Variants in PRKAG2 observed in about 807,000 individuals in gnomAD.
PRKAG2 encodes protein kinase AMP-activated non-catalytic subunit gamma 2.
PRKAG2 carries 26 observed loss-of-function variants against 69.6 expected under a neutral mutation model. The ratio of observed to expected loss-of-function variants is 0.37; its 90% CI spans 0.27 to 0.52. PRKAG2 has a LOEUF of 0.52. Ranked by LOEUF, PRKAG2 falls within the 20% of genes least tolerant of loss-of-function variation. The pLI, the probability that PRKAG2 is intolerant of heterozygous loss-of-function variation, is 0.90. For missense variants in PRKAG2, 557 were observed against 740.0 expected (o/e 0.75, Z 2.87); for synonymous variants, 293 against 285.0 (o/e 1.03, Z -0.28).
intron 6 of PRKAG2, among the ~76,000 whole-genome samples, chr7:151,580,388 G>C (rs1202572520): frequency 6.6e-6 from 1 of 152,064 alleles, no homozygotes; most frequent in Non-Finnish European, 1.5e-5. Flanking sequence ...TGCACTGAAG[G>C]AAAGATTCTA....
At chr7:151,625,378 G>T (rs1316931109) in intron 5 of PRKAG2, among the ~76,000 whole-genome samples, 2 of 152,302 alleles carry the variant, frequency 1.3e-5, no homozygotes, top group African/African-American at 4.8e-5. Context: ...GAAATGCAGG[G>T]AGGAAAGAGG....
chr7:151,845,649 C>T (rs1563749556), intron 1 of PRKAG2, among the ~76,000 whole-genome samples: 2 of 152,076 alleles, frequency 1.3e-5, no homozygotes, highest in Non-Finnish European at 1.5e-5. Context: ...TTTCAGATGC[C>T]TGCCTCCCTT....
At chr7:151,613,047 C>A (rs1369587443) in intron 5 of PRKAG2, among the ~76,000 whole-genome samples, 2 of 152,180 alleles carry the variant, frequency 1.3e-5, no homozygotes, top group Non-Finnish European at 2.9e-5. Context: ...CCACACTCAG[C>A]CTCCCTGGTG....
At chr7:151,571,991 C>T (rs940343707) in intron 9 of PRKAG2, among the ~76,000 whole-genome samples, 1 of 152,224 alleles carries the variant, frequency 6.6e-6, no homozygotes. Context: ...CAGACTGGGT[C>T]TGCCGTGATT....
rs1054066947 is a variant in PRKAG2, at chr7:151,777,716, G to A, written c.466+3436C>T. ...GGCTGGCTTTGCTCATTACCTGGGCGGAGGCCAAGCTAACAAAGGGAGGAA... is the reference window on the plus strand; with the variant it reads ...GGCTGGCTTTGCTCATTACCTGGGCAGAGGCCAAGCTAACAAAGGGAGGAA... On this transcript the variant is annotated intron_variant, in intron 3 of 15. Transcript: ENST00000287878. This position sits in a 1 kb window ranked among gnomAD's most constrained non-coding sequence, Gnocchi z 4.3. Among the ~76,000 whole-genome samples, 7 of 152,206 alleles carry A rather than the reference G, an allele frequency of 4.6e-5. No individual in the cohort carries two copies. The highest frequency in any genetic ancestry group is 2.0e-4 in the Admixed American group (3 of 15,280).
chr7:151,856,940 C>G (rs1328317439), intron 1 of PRKAG2, among the ~76,000 whole-genome samples: 1 of 152,106 alleles, frequency 6.6e-6, no homozygotes, highest in Non-Finnish European at 1.5e-5. Flanking sequence ...AGGAAAGAAA[C>G]AGAAAACGGT....
intron 3 of PRKAG2, among the ~76,000 whole-genome samples, chr7:151,723,009 C>T (rs1797363659): frequency 6.6e-6 from 1 of 152,110 alleles, no homozygotes; most frequent in Non-Finnish European, 1.5e-5. Context: ...TCCCCTGCAG[C>T]CTGCCCACTC....
At chr7:151,631,926 C>A in intron 5 of PRKAG2, 143 bp downstream of exon 5, 1 of 872,858 alleles carries the variant, frequency 1.1e-6, no homozygotes, top group South Asian at 2.2e-5. Context: ...CGCCCCGGTT[C>A]CCGCCCCGGC....
At chr7:151,708,065 G>A (rs964784055) in intron 3 of PRKAG2, among the ~76,000 whole-genome samples, 11 of 152,182 alleles carry the variant, frequency 7.2e-5, no homozygotes, top group African/African-American at 2.2e-4. Context: ...CAAGGGGGGC[G>A]CTGTCCCCGT....
At chr7:151,674,008 AT>A (rs112481015) in intron 4 of PRKAG2, among the ~76,000 whole-genome samples, 2,363 of 151,980 alleles carry the variant, frequency 0.016, 58 homozygotes, top group African/African-American at 0.054. Flanking sequence ...CGCCAAGATA[AT>A]TTTTTGTATT....
intron 1 of PRKAG2, among the ~76,000 whole-genome samples, chr7:151,823,046 A>G (rs73487739): frequency 0.13 from 14,428 of 113,404 alleles, 950 homozygotes; most frequent in East Asian, 0.3. Flanking sequence ...CCCACCCCAC[A>G]GCGGAAAACG....
At chr7:151,786,986 G>C (rs2077042236) in intron 1 of PRKAG2, among the ~76,000 whole-genome samples, 1 of 152,152 alleles carries the variant, frequency 6.6e-6, no homozygotes, top group Non-Finnish European at 1.5e-5. Context: ...GGCGGCTGAG[G>C]CAAAACTATT....
chr7:151,770,344 G>C (rs1318741042), intron 3 of PRKAG2, among the ~76,000 whole-genome samples: 1 of 152,206 alleles, frequency 6.6e-6, no homozygotes, highest in Non-Finnish European at 1.5e-5. Context: ...ACCCCAGCGT[G>C]AACATGGATG....
At chr7:151,714,005 C>T (rs1261003145) in intron 3 of PRKAG2, among the ~76,000 whole-genome samples, 5 of 152,114 alleles carry the variant, frequency 3.3e-5, no homozygotes, top group East Asian at 1.9e-4. Flanking sequence ...GTCCAAGAAC[C>T]GGCACATACC....
chr7:151,625,845 A>G (rs1438561109), intron 5 of PRKAG2, among the ~76,000 whole-genome samples: 1 of 152,208 alleles, frequency 6.6e-6, no homozygotes, highest in Non-Finnish European at 1.5e-5. Flanking sequence ...GGAGGAGGGC[A>G]CGACCTCCAG....
At chr7:151,785,987 G>A (rs572144734) in intron 2 of PRKAG2, among the ~76,000 whole-genome samples, 1 of 152,222 alleles carries the variant, frequency 6.6e-6, no homozygotes, top group Non-Finnish European at 1.5e-5. Context: ...GAGAGGAAAG[G>A]AAAAGTGGAA....
intron 1 of PRKAG2, among the ~76,000 whole-genome samples, chr7:151,819,510 T>C (rs989163438): frequency 6.6e-6 from 1 of 152,150 alleles, no homozygotes; most frequent in Non-Finnish European, 1.5e-5. Context: ...TTAGATTAGC[T>C]GAGAATAGTT....
chr7:151,653,486 C>T (rs2151404543), intron 4 of PRKAG2, among the ~76,000 whole-genome samples: 1 of 152,246 alleles, frequency 6.6e-6, no homozygotes, highest in East Asian at 1.9e-4. Context: ...GAATCCAAAT[C>T]ATGGGTTGGA....
chr7:151,807,728 G>A lies in PRKAG2; in HGVS notation c.115-21187C>T, dbSNP rs989223050. On this transcript the variant is annotated intron_variant, in intron 1 of 15. Coordinates refer to ENST00000287878, the MANE Select transcript of PRKAG2 (RefSeq NM_016203.4). The surrounding 1 kb of genome is among the most constrained non-coding windows in gnomAD (Gnocchi z 4.4). ...TCACTTGGGTCAAGGCAGCATTTCA[G>A]AGGAAGCCAGGAGCGAGAACTCGTG... 5.0e-6 allele frequency: 2 copies of A among 400,076 alleles called. No homozygotes were observed. Among genetic ancestry groups the A allele is most frequent in the African/African-American group, 2.1e-5 (1 of 48,424 alleles). The allele number at this position is 400,076 out of a possible 1,614,324, so 24.8% of individuals were successfully genotyped here.
Sources: allele counts gnomAD v4.1 joint callset (sites outside exome capture counted in the v4.1 genomes callset), GRCh38; gene constraint gnomAD v4.1.1; non-coding constraint Gnocchi (gnomAD v3.1); transcripts MANE v1.5; gene names NCBI Gene and HGNC (gene_info 2026-07-23, HGNC 2026-07-21).